PPP2R2B: variants seen among roughly 807,000 people sequenced by gnomAD.
The protein encoded by PPP2R2B is serine/threonine-protein phosphatase 2A 55 kDa regulatory subunit B beta isoform.
Under a neutral mutation model 46.0 loss-of-function variants are expected in PPP2R2B, and 5 were observed. The observed-to-expected ratio is 0.11, with a 90% CI of 0.06 to 0.23. The LOEUF (loss-of-function observed/expected upper bound fraction) is 0.23. Among genes scored for constraint, PPP2R2B ranks in the 10% least tolerant of loss-of-function variants. The pLI is 1.00. For missense variants in PPP2R2B, 367 were observed against 575.0 expected (o/e 0.64, Z 3.70); for synonymous variants, 215 against 206.7 (o/e 1.04, Z -0.34).
At chr5:146,745,156 AAGAC>A (rs1234448374) in intron 2 of PPP2R2B, among the ~76,000 whole-genome samples, 31 of 106,114 alleles carry the variant, frequency 2.9e-4, no homozygotes, top group African/African-American at 1.1e-3. Flanking sequence ...CGTGCAGAGA[AAGAC>A]AGAGAGAGAG....
intron 2 of PPP2R2B, among the ~76,000 whole-genome samples, chr5:146,807,572 A>G (rs1582149894): frequency 6.6e-6 from 1 of 152,210 alleles, no homozygotes; most frequent in East Asian, 1.9e-4. Context: ...TTCATACTTA[A>G]AACAGCCCTG....
rs1485685056 is a variant in PPP2R2B at position 146,862,857 on chromosome 5, T to TG, written c.70+15144dup. On this transcript the variant is annotated intron_variant, in intron 2 of 9. Coordinates refer to ENST00000394411, the MANE Select transcript of PPP2R2B (RefSeq NM_181675.4). ...AAAGGCAACCTGCTTGTCAAGTAAT[T>TG]GGAAAAAAAAAAAAAAAAAACCCTG... Among the ~76,000 whole-genome samples, 82 of 123,320 alleles carry TG rather than the reference T, an allele frequency of 6.6e-4. 2 individuals carry two copies. Among genetic ancestry groups the TG allele is most frequent in the Admixed American group, 6.2e-3 (78 of 12,540 alleles). 80.9% of individuals were successfully genotyped at this position (123,320 alleles called of 152,430 possible).
intron 5 of PPP2R2B, among the ~76,000 whole-genome samples, chr5:146,673,925 C>G (rs1363777287): frequency 6.6e-6 from 1 of 152,158 alleles, no homozygotes; most frequent in African/African-American, 2.4e-5. Flanking sequence ...TTTCTTCCAG[C>G]AAGGGATAGA....
At chr5:146,797,816 A>G (rs1359305533) in intron 2 of PPP2R2B, among the ~76,000 whole-genome samples, 1 of 152,160 alleles carries the variant, frequency 6.6e-6, no homozygotes, top group Non-Finnish European at 1.5e-5. Flanking sequence ...ACTCCAACGC[A>G]CAACTGCAAT....
At chr5:147,024,441 GAAGATGC>G (rs1162884680) in intron 1 of PPP2R2B, among the ~76,000 whole-genome samples, 1 of 152,102 alleles carries the variant, frequency 6.6e-6, no homozygotes, top group African/African-American at 2.4e-5. Context: ...TAATTACGCA[GAAGATGC>G]AAACACATTA....
At chr5:146,894,349 T>C (rs1762580448) in intron 1 of PPP2R2B, among the ~76,000 whole-genome samples, 1 of 152,226 alleles carries the variant, frequency 6.6e-6, no homozygotes, top group Non-Finnish European at 1.5e-5. Context: ...TATTTTGTTA[T>C]TAATTAGGAT....
At chr5:146,731,025 G>C (rs1752199581) in intron 2 of PPP2R2B, among the ~76,000 whole-genome samples, 1 of 152,170 alleles carries the variant, frequency 6.6e-6, no homozygotes, top group Non-Finnish European at 1.5e-5. Flanking sequence ...TGTGAGTTTG[G>C]AGAGAAAAAC....
chr5:146,867,849 A>G (rs1761397378), intron 2 of PPP2R2B, among the ~76,000 whole-genome samples: 1 of 152,242 alleles, frequency 6.6e-6, no homozygotes. Context: ...GCACTTGGCA[A>G]TAAATAATTT....
chr5:146,726,852 A>G (rs1347220411), intron 2 of PPP2R2B, among the ~76,000 whole-genome samples: 1 of 152,218 alleles, frequency 6.6e-6, no homozygotes, highest in Non-Finnish European at 1.5e-5. Context: ...AGAGGGCCAT[A>G]TACAGTTCTG....
chr5:146,977,220 C>T (rs1298627729), intron 1 of PPP2R2B, among the ~76,000 whole-genome samples: 30 of 152,008 alleles, frequency 2.0e-4, no homozygotes, highest in Non-Finnish European at 2.8e-4. Context: ...ATAGCCTTTA[C>T]TTTAATAACC....
intron 2 of PPP2R2B, among the ~76,000 whole-genome samples, chr5:146,870,198 G>T (rs1761531521): frequency 6.6e-6 from 1 of 152,168 alleles, no homozygotes; most frequent in Non-Finnish European, 1.5e-5. Context: ...AATGCTTGAT[G>T]GAGGAGGTTT....
At chr5:147,077,427 G>C (rs1309077861) in intron 2 of PPP2R2B, among the ~76,000 whole-genome samples, 2 of 151,776 alleles carry the variant, frequency 1.3e-5, no homozygotes, top group African/African-American at 2.4e-5. Context: ...TAACTGGCTA[G>C]TAAGTGATAG....
chr5:146,997,373 T>A (rs534173359), intron 1 of PPP2R2B, among the ~76,000 whole-genome samples: 1 of 152,126 alleles, frequency 6.6e-6, no homozygotes, highest in African/African-American at 2.4e-5. Flanking sequence ...AATGAGGGAA[T>A]CCAACTGGGC....
intron 1 of PPP2R2B, among the ~76,000 whole-genome samples, chr5:147,017,381 G>A (rs1037244433): frequency 6.6e-6 from 1 of 151,590 alleles, no homozygotes; most frequent in African/African-American, 2.4e-5. Flanking sequence ...ACACTGGAAC[G>A]TCTGTGCTTA....
intron 1 of PPP2R2B, among the ~76,000 whole-genome samples, chr5:146,955,581 G>T (rs760184375): frequency 2.0e-5 from 3 of 151,962 alleles, no homozygotes; most frequent in Non-Finnish European, 4.4e-5. Flanking sequence ...ATAATGCTTG[G>T]TAAGTAATTC....
intron 2 of PPP2R2B, among the ~76,000 whole-genome samples, chr5:146,842,679 C>T (rs192267596): frequency 1.5e-4 from 23 of 152,072 alleles, no homozygotes; most frequent in South Asian, 6.2e-4. Context: ...GTGTGTTGTT[C>T]CTCTCTATGT....
At chr5:146,692,755 C>T (rs192827884) in intron 4 of PPP2R2B, among the ~76,000 whole-genome samples, 2,226 of 151,854 alleles carry the variant, frequency 0.015, 51 homozygotes, top group African/African-American at 0.05. Context: ...AGGATGGTCT[C>T]GATCTCCTGA....
chr5:146,720,637 A>G lies in PPP2R2B; in HGVS notation c.71-19495T>C, dbSNP rs934052060. The stretch of plus-strand genomic sequence containing the variant: ...TCCCATCAGAAAGAAGTTCACCCAC[A>G]GTTCATACATTAACAGATATTTACT... On this transcript the variant is annotated intron_variant, in intron 2 of 9. Transcript: ENST00000394411. Among the ~76,000 whole-genome samples, 9 of 152,318 alleles carry G rather than the reference A, an allele frequency of 5.9e-5. No homozygotes were observed. The East Asian group carries it at 1.7e-3, about 29-fold the overall frequency.
At chr5:146,708,659 GA>G (rs1581924190) in intron 2 of PPP2R2B, among the ~76,000 whole-genome samples, 1 of 152,152 alleles carries the variant, frequency 6.6e-6, no homozygotes, top group East Asian at 1.9e-4. Context: ...ATGCTGTGTA[GA>G]TACAGTGTCT....
Sources: gnomAD v4.1 joint callset for allele counts (sites outside exome capture counted in the v4.1 genomes callset) on GRCh38, gnomAD v4.1.1 for gene constraint, MANE v1.5 for transcripts, NCBI Gene and HGNC (gene_info 2026-07-23, HGNC 2026-07-21) for gene names.